Variants in SRSF11 observed in about 807,000 individuals in gnomAD.
The protein encoded by SRSF11 is serine/arginine-rich splicing factor 11.
Under a neutral mutation model 56.0 loss-of-function variants are expected in SRSF11, and 9 were observed. The ratio of observed to expected loss-of-function variants is 0.16; its 90% CI spans 0.10 to 0.28. The LOEUF (loss-of-function observed/expected upper bound fraction) is 0.28. Ranked by LOEUF, SRSF11 falls within the 10% of genes least tolerant of loss-of-function variation. The probability of loss-of-function intolerance (pLI) is 1.00; values close to 1 mark genes in which losing one functional copy is unlikely to be tolerated. For missense variants in SRSF11, 421 were observed against 600.7 expected (o/e 0.70, Z 3.13); for synonymous variants, 222 against 215.3 (o/e 1.03, Z -0.27).
chr1:70,249,476 A>G (rs1022181829), intron 9 of SRSF11: 1 of 152,308 alleles, frequency 6.6e-6, no homozygotes, highest in African/African-American at 2.4e-5. Context: ...TGAGGGTAGT[A>G]AAGGGAAAGA....
chr1:70,230,819 A>C (rs534104720), intron 2 of SRSF11: 174 of 1,176,830 alleles, frequency 1.5e-4, no homozygotes, highest in Admixed American at 1.3e-3. Context: ...GATACTGAAT[A>C]TATCCTCTTG....
intron 3 of SRSF11, among the ~76,000 whole-genome samples, chr1:70,233,210 G>T (rs572383930): frequency 5.3e-5 from 8 of 151,340 alleles, no homozygotes; most frequent in South Asian, 4.2e-4. Flanking sequence ...GTTCTGTTTT[G>T]TTTTGTTTTT....
chr1:70,237,695 G>C, intron 6 of SRSF11, 143 bp downstream of exon 6: 1 of 1,164,856 alleles, frequency 8.6e-7, no homozygotes, highest in Non-Finnish European at 1.2e-6. Context: ...GTGCCACTCA[G>C]ACGTATTTGG....
rs981549652 is a variant in SRSF11, at chr1:70,224,349, T to C, written c.203+2510T>C. Among the ~76,000 whole-genome samples, 11 of 152,174 alleles carry C rather than the reference T, an allele frequency of 7.2e-5. No homozygotes were observed. In the South Asian group the frequency reaches 1.0e-3, roughly 14 times the overall value. Reference sequence around the variant, plus strand: ...TGCTTAACTACTTTTATTTTTCCGATGTCACCTTAATCAGAGAAAACTTCC... The same window carrying C: ...TGCTTAACTACTTTTATTTTTCCGACGTCACCTTAATCAGAGAAAACTTCC... On this transcript the variant is annotated intron_variant, in intron 1 of 11. Coordinates refer to ENST00000370949, the MANE Select transcript of SRSF11 (RefSeq NM_001350605.2).
intron 5 of SRSF11, among the ~76,000 whole-genome samples, chr1:70,236,464 G>C (rs1054384130): frequency 1.3e-5 from 2 of 151,472 alleles, no homozygotes; most frequent in African/African-American, 2.4e-5. Flanking sequence ...CCAAGTAGCT[G>C]GGACTATGGG....
At chr1:70,240,275 A>G (rs1037898087) in intron 7 of SRSF11, among the ~76,000 whole-genome samples, 1 of 152,222 alleles carries the variant, frequency 6.6e-6, no homozygotes, top group Non-Finnish European at 1.5e-5. Flanking sequence ...TTACTGCTTC[A>G]TCAAAGACAT....
chr1:70,208,450 C>T (rs1170642464), intron 1 of SRSF11, among the ~76,000 whole-genome samples: 2 of 152,170 alleles, frequency 1.3e-5, no homozygotes, highest in East Asian at 1.9e-4. Context: ...TCTCCTGCCT[C>T]AGCCTCCCAA....
chr1:70,240,182 TCA>T (rs775308522), intron 7 of SRSF11, among the ~76,000 whole-genome samples: 1 of 152,220 alleles, frequency 6.6e-6, no homozygotes, highest in Admixed American at 6.5e-5. Flanking sequence ...TTCCATTTCA[TCA>T]CACAGAATAT....
In SRSF11 at chr1:70,232,357, A is replaced by C; in HGVS notation, c.427A>C (p.Thr143Pro). 6.2e-7 allele frequency: 1 copy of C among 1,613,718 alleles called. No homozygotes were observed. The highest frequency in any genetic ancestry group is 8.5e-7 in the Non-Finnish European group (1 of 1,179,860). The part of the protein sequence containing the change: ...GLLPGGGLLP[T>P]PNPLTQIGAV... ...TCTGCCTGGTGGTGGACTCCTGCCT[A>C]CTCCTAACCCACTTACCCAGGTACT... The change falls in exon 3 of 12, where the codon ACT becomes CCT. Residue 143 changes from threonine (T) to proline (P), a missense_variant. This residue lies in a region of SRSF11 where 168 missense variants were observed against 294.9 expected (regional missense o/e 0.57). Transcript: ENST00000370949.
chr1:70,215,327 C>A (rs1669915200), intron 1 of SRSF11, among the ~76,000 whole-genome samples: 1 of 152,182 alleles, frequency 6.6e-6, no homozygotes, highest in Non-Finnish European at 1.5e-5. Context: ...CCAAATTTCC[C>A]TCTAAATGGA....
upstream of SRSF11, among the ~76,000 whole-genome samples, chr1:70,219,372 A>G (rs544260535): frequency 9.5e-4 from 145 of 152,354 alleles, 2 homozygotes; most frequent in South Asian, 0.014. Flanking sequence ...GCGTTTGTAT[A>G]TAATCTGTGC....
chr1:70,244,633 A>G (rs1239864811), intron 7 of SRSF11, 51 bp from the exon 8 acceptor site: 5 of 1,571,438 alleles, frequency 3.2e-6, no homozygotes, highest in Non-Finnish European at 4.3e-6. Context: ...CACAAAATTT[A>G]TAGTCTTTTT....
At chr1:70,229,931 A>T in intron 2 of SRSF11, 1 of 985,446 alleles carries the variant, frequency 1.0e-6, no homozygotes, top group Non-Finnish European at 1.2e-6. Context: ...GTTTTGGTTA[A>T]GCAATTTCTT....
At chr1:70,242,568 T>C (rs1214754928) in intron 7 of SRSF11, among the ~76,000 whole-genome samples, 1 of 151,690 alleles carries the variant, frequency 6.6e-6, no homozygotes, top group Non-Finnish European at 1.5e-5. Context: ...CCTCCCAAAG[T>C]GCTGGGGTGA....
intron 8 of SRSF11, among the ~76,000 whole-genome samples, chr1:70,245,088 G>A (rs960666019): frequency 6.6e-5 from 10 of 152,102 alleles, no homozygotes; most frequent in East Asian, 3.9e-4. Flanking sequence ...AAGAAATACC[G>A]TAACGTTTTA....
intron 5 of SRSF11, among the ~76,000 whole-genome samples, chr1:70,236,877 T>G (rs965309732): frequency 3.9e-5 from 5 of 129,770 alleles, no homozygotes; most frequent in Admixed American, 9.9e-5. Flanking sequence ...GATGTCTGCC[T>G]CCCGGGTTCA....
chr1:70,216,967 GT>G (rs892243335), upstream of SRSF11, among the ~76,000 whole-genome samples: 33 of 152,182 alleles, frequency 2.2e-4, no homozygotes, highest in African/African-American at 7.5e-4. Context: ...TATCCTTAGG[GT>G]CTTTCTAATT....
intron 8 of SRSF11, among the ~76,000 whole-genome samples, chr1:70,245,366 T>C (rs1164324559): frequency 6.6e-6 from 1 of 152,212 alleles, no homozygotes; most frequent in Admixed American, 6.5e-5. Flanking sequence ...TAACTTACTC[T>C]TGGGAAGCAT....
chr1:70,247,084 ATTTTTC>A, intron 9 of SRSF11, 177 bp downstream of exon 9: 1 of 1,131,002 alleles, frequency 8.8e-7, no homozygotes, highest in Non-Finnish European at 1.2e-6. Context: ...AATGTAGTTT[ATTTTTC>A]TTTTTACTTA....
Sources: gnomAD v4.1 joint callset for allele counts (sites outside exome capture counted in the v4.1 genomes callset) on GRCh38, gnomAD v4.1.1 for gene constraint, gnomAD v4.1.1 regional missense constraint, MANE v1.5 for transcripts, NCBI Gene and HGNC (gene_info 2026-07-23, HGNC 2026-07-21) for gene names.